Variants in AHDC1 observed in about 807,000 individuals in gnomAD.
AHDC1 encodes the protein transcription factor Gibbin.
A neutral mutation model predicts 87.9 loss-of-function variants in AHDC1; 7 were observed. The ratio of observed to expected loss-of-function variants is 0.08; its 90% CI spans 0.05 to 0.15. The LOEUF (loss-of-function observed/expected upper bound fraction) is 0.15, where lower values mean the gene tolerates loss of function less well. Ranked by LOEUF, AHDC1 falls within the 10% of genes least tolerant of loss-of-function variation. The probability of loss-of-function intolerance (pLI) is 1.00; values close to 1 mark genes in which losing one functional copy is unlikely to be tolerated. For missense variants in AHDC1, 1,841 were observed against 2,253.2 expected (o/e 0.82, Z 3.70); for synonymous variants, 1,051 against 1,006.8 (o/e 1.04, Z -0.83).
rs778819552 is a variant in AHDC1 at position 27,549,773 on chromosome 1, C to T, written c.2343G>A (p.Gly781=). 2 of 1,613,242 alleles carry T rather than the reference C, an allele frequency of 1.2e-6. No homozygotes were observed. The highest frequency in any genetic ancestry group is 1.7e-6 in the Non-Finnish European group (2 of 1,179,962). ...DKGGGWAPHH[G]HPGGQAGRNC... is the part of the protein sequence containing the mutation. ...TTCGGCCAGCTTGTCCGCCTGGGTG[C>T]CCATGGTGAGGGGCCCAGCCACCAC... Residue 781 remains glycine, a synonymous_variant, in exon 8 of 9, where the codon GGG becomes GGA. Transcript: ENST00000673934.
chr1:27,542,064 A>T (rs2018949080), intron 8 of AHDC1, among the ~76,000 whole-genome samples: 1 of 152,278 alleles, frequency 6.6e-6, no homozygotes, highest in Admixed American at 6.5e-5. Context: ...ATGTGTGTGA[A>T]CACAGAATTT....
rs2019476307 is a variant in AHDC1 at position 27,550,453 on chromosome 1, G to A, written c.1663C>T (p.Leu555=). The change falls in exon 8 of 9, where the codon CTG becomes TTG. Residue 555 remains leucine (L), a synonymous_variant. Transcript: ENST00000673934. ...RKRGRPPKNL[L]LGPGKPKEPA... is the part of the protein sequence containing the mutation. ...TCCTTGGGCTTGCCGGGACCCAGCA[G>A]CAGGTTCTTAGGAGGGCGGCCGCGC... The A allele has an allele frequency of 6.2e-7, 1 of 1,607,938 alleles. No individual in the cohort carries two copies. The highest frequency in any genetic ancestry group is 8.5e-7 in the Non-Finnish European group (1 of 1,175,654).
Position 27,561,669 on chromosome 1 carries a change from C to T in AHDC1, c.-628-2786G>A, listed in dbSNP as rs2020090218. ...TTCTGGTTGCAGACACCAGCCGAGA[C>T]CACACAAGAGAGAGAGAGGAAAAGA... On this transcript the variant is annotated intron_variant, in intron 3 of 8. Coordinates refer to ENST00000673934, the MANE Select transcript of AHDC1 (RefSeq NM_001371928.1). This position sits in a 1 kb window ranked among gnomAD's most constrained non-coding sequence, Gnocchi z 4.2. Among the ~76,000 whole-genome samples the T allele has an allele frequency of 1.3e-5, 2 of 150,886 alleles. No homozygotes were observed. The highest frequency in any genetic ancestry group is 3.0e-5 in the Non-Finnish European group (2 of 67,668).
At chr1:27,573,694 G>A (rs986079851) in intron 3 of AHDC1, among the ~76,000 whole-genome samples, 2 of 152,172 alleles carry the variant, frequency 1.3e-5, no homozygotes, top group African/African-American at 4.8e-5. Flanking sequence ...AGGTTACAAA[G>A]TTCCCTATAC....
At chr1:27,583,168 G>A (rs77207068) in intron 3 of AHDC1, among the ~76,000 whole-genome samples, 9 of 152,208 alleles carry the variant, frequency 5.9e-5, no homozygotes, top group Non-Finnish European at 8.8e-5. Context: ...ATGCCTGGCC[G>A]TTTATTTCTA....
At chr1:27,542,388 G>C (rs2018967160) in intron 8 of AHDC1, among the ~76,000 whole-genome samples, 1 of 152,270 alleles carries the variant, frequency 6.6e-6, no homozygotes, top group South Asian at 2.1e-4. Flanking sequence ...CTCCTTCCTA[G>C]GAGGAGCACA....
At position 27,551,500 on chromosome 1, in the gene AHDC1, C is replaced by A; in HGVS notation, c.616G>T (p.Asp206Tyr). 1 of 1,605,940 alleles carries A rather than the reference C, an allele frequency of 6.2e-7. No individual in the cohort carries two copies. The highest frequency in any genetic ancestry group is 1.1e-5 in the South Asian group (1 of 90,630). ...TGGCCTTGGCCAGGCTGGGGACTGT[C>A]CCTAGGCTCAGGCTCAGGCTCGTAG... ...PLYEPEPEPR[D>Y]SPQPGQGHSP... Residue 206 changes from aspartate to tyrosine, a missense_variant, in exon 8 of 9, where the codon GAC (aspartate) becomes TAC (tyrosine). This residue lies in a region of AHDC1 where 370 missense variants were observed against 391.5 expected (regional missense o/e 0.95). Transcript: ENST00000673934.
intron 3 of AHDC1, among the ~76,000 whole-genome samples, chr1:27,599,684 T>C (rs1438631513): frequency 6.6e-6 from 1 of 152,160 alleles, no homozygotes; most frequent in Non-Finnish European, 1.5e-5. Flanking sequence ...TTTCCCGCTT[T>C]TATAACCTGG....
chr1:27,552,264 C>T, intron 7 of AHDC1, 75 bp from the exon 8 acceptor site: 1 of 1,302,112 alleles, frequency 7.7e-7, no homozygotes, highest in Non-Finnish European at 9.9e-7. Flanking sequence ...CCTTGATGAG[C>T]TCCTGGACCC....
Position 27,551,519 on chromosome 1 carries a change from C to T in AHDC1, c.597G>A (p.Glu199=). 2 of 1,604,058 alleles carry T rather than the reference C, an allele frequency of 1.2e-6. No individual in the cohort carries two copies. The highest frequency in any genetic ancestry group is 1.7e-6 in the Non-Finnish European group (2 of 1,174,714). Residue 199 remains glutamate, a synonymous_variant, in exon 8 of 9, where the codon GAG becomes GAA. Transcript: ENST00000673934. ...KSERPSHPLY[E]PEPEPRDSPQ... is the part of the protein sequence containing the mutation. ...GACTGTCCCTAGGCTCAGGCTCAGG[C>T]TCGTAGAGGGGATGGCTGGGCCGCT... is the stretch of plus-strand genomic sequence containing the variant.
In AHDC1 at chr1:27,548,060, G is replaced by A; in HGVS notation, c.4056C>T (p.Ser1352=). 6.2e-7 allele frequency: 1 copy of A among 1,613,908 alleles called. No homozygotes were observed. Among genetic ancestry groups the A allele is most frequent in the Non-Finnish European group, 8.5e-7 (1 of 1,179,992 alleles). The change falls in exon 8 of 9, where the codon TCC becomes TCT. Residue 1352 remains serine (S), a synonymous_variant. Transcript: ENST00000673934. ...GGCCAAAGGTGCCATCGGAAGGCGT[G>A]GACGGGTTCATGGAGTAGGGTCCTA... The part of the protein sequence containing the change: ...DFIGPYSMNP[S]TPSDGTFGQG...
rs1478649954 is a variant in AHDC1 at position 27,603,719 on chromosome 1, A to G, written c.-727+9T>C. ...GACACCCCCGCCCCCACCCCCCCCA[A>G]TAGCAAACCTGGGAGGGAACGCGCC... On this transcript the variant is annotated intron_variant, in intron 2 of 8. Coordinates refer to ENST00000673934, the MANE Select transcript of AHDC1 (RefSeq NM_001371928.1). 4.3e-5 allele frequency: 2 copies of G among 46,610 alleles called. No homozygotes were observed. The highest frequency in any genetic ancestry group is 1.8e-4 in the African/African-American group (2 of 11,222). The allele number at this position is 46,610 out of a possible 1,614,324, so 2.9% of individuals were successfully genotyped here. A position where few individuals can be genotyped will look rare whatever the true frequency, so the allele number is the denominator to read the frequency against.
At chr1:27,602,883 TG>T (rs2089571471) in intron 3 of AHDC1, among the ~76,000 whole-genome samples, 2 of 150,700 alleles carry the variant, frequency 1.3e-5, no homozygotes, top group Admixed American at 1.3e-4. Context: ...CCTAGGGATT[TG>T]GGGGTTGGAG....
rs576030372 is a variant in AHDC1 at position 27,567,094 on chromosome 1, G to C, written c.-628-8211C>G. ...TGCACTGCTCTCCAGGCCGTCTGTG[G>C]GCATCCCAGCTTCCTGCATGCGCCT... is the stretch of plus-strand genomic sequence containing the variant. On this transcript the variant is annotated intron_variant, in intron 3 of 8. Coordinates refer to ENST00000673934, the MANE Select transcript of AHDC1 (RefSeq NM_001371928.1). Among the ~76,000 whole-genome samples the C allele has an allele frequency of 3.9e-5, 6 of 152,236 alleles. No homozygotes were observed. The South Asian group carries it at 1.2e-3, about 32-fold the overall frequency.
chr1:27,582,998 C>T lies in AHDC1; in HGVS notation c.-629+20399G>A, dbSNP rs1481228182. Among the ~76,000 whole-genome samples, 5 of 152,108 alleles carry T rather than the reference C, an allele frequency of 3.3e-5. No individual in the cohort carries two copies. In the South Asian group the frequency reaches 8.3e-4, roughly 25 times the overall value. ...CGCACTCTCGGCTCACTGCAACCTC[C>T]GCCTCCTGGGTTCAAGTGACTGACG... On this transcript the variant is annotated intron_variant, in intron 3 of 8. Transcript: ENST00000673934.
At chr1:27,569,079 C>T (rs2020456731) in intron 3 of AHDC1, among the ~76,000 whole-genome samples, 1 of 145,134 alleles carries the variant, frequency 6.9e-6, no homozygotes, top group African/African-American at 2.5e-5. Context: ...CTCACCCCAT[C>T]CCACCCCAAA....
At chr1:27,567,152 T>C (rs907978597) in intron 3 of AHDC1, among the ~76,000 whole-genome samples, 7 of 152,000 alleles carry the variant, frequency 4.6e-5, no homozygotes, top group African/African-American at 1.7e-4. Flanking sequence ...CTCCTCTCTG[T>C]CCCCTCCAGT....
chr1:27,579,478 T>C (rs1247610336), intron 3 of AHDC1, among the ~76,000 whole-genome samples: 2 of 152,240 alleles, frequency 1.3e-5, no homozygotes, highest in Non-Finnish European at 2.9e-5. Context: ...GCATTTCTTG[T>C]TCATCAATCC....
At chr1:27,541,099 G>A (rs1352285955) in intron 8 of AHDC1, among the ~76,000 whole-genome samples, 2 of 151,344 alleles carry the variant, frequency 1.3e-5, no homozygotes, top group Non-Finnish European at 2.9e-5. Flanking sequence ...TGGGGTGCGT[G>A]CTTGGAGCAG....
Sources: allele counts gnomAD v4.1 joint callset (sites outside exome capture counted in the v4.1 genomes callset), GRCh38; gene constraint gnomAD v4.1.1; regional missense constraint gnomAD v4.1.1; non-coding constraint Gnocchi (gnomAD v3.1); transcripts MANE v1.5; gene names NCBI Gene and HGNC (gene_info 2026-07-23, HGNC 2026-07-21).